The following PPM1B variants were observed in gnomAD, a reference collection of about 807,000 sequenced individuals.
PPM1B encodes protein phosphatase 1B.
In PPM1B, 22 loss-of-function variants were observed where a neutral mutation model predicts 43.0. That is an observed-to-expected ratio of 0.51 (90% CI 0.37 to 0.73). The LOEUF is 0.73. Among genes scored for constraint, PPM1B ranks in the 30% least tolerant of loss-of-function variants. The pLI is 0.00. For synonymous variants in PPM1B, 217 were observed against 197.9 expected (o/e 1.10, Z -0.81); for missense variants, 632 against 584.2 (o/e 1.08, Z -0.84).
intron 5 of PPM1B, among the ~76,000 whole-genome samples, chr2:44,227,005 C>T: frequency 6.6e-6 from 1 of 150,762 alleles, no homozygotes; most frequent in South Asian, 2.1e-4. Context: ...ACAGGGTCTT[C>T]CTCCATTGCC....
chr2:44,239,097 C>T (rs1054645304), downstream of PPM1B, among the ~76,000 whole-genome samples: 1 of 149,132 alleles, frequency 6.7e-6, no homozygotes, highest in African/African-American at 2.5e-5. Context: ...TCCCTTAAGC[C>T]CAGGAGTTCA....
chr2:44,187,477 T>G (rs560624010), intron 1 of PPM1B, among the ~76,000 whole-genome samples: 17 of 152,308 alleles, frequency 1.1e-4, no homozygotes, highest in Admixed American at 1.1e-3. Context: ...TATTTATAAT[T>G]TTTTGAAGAA....
intron 5 of PPM1B, among the ~76,000 whole-genome samples, chr2:44,239,715 T>C (rs971662529): frequency 6.6e-6 from 1 of 152,098 alleles, no homozygotes; most frequent in African/African-American, 2.4e-5. Flanking sequence ...GCACATATAT[T>C]TAGGTTTTTA....
chr2:44,207,668 C>G (rs919594431), intron 2 of PPM1B, among the ~76,000 whole-genome samples: 3 of 151,532 alleles, frequency 2.0e-5, no homozygotes, highest in Admixed American at 2.0e-4. Context: ...CTCCACTTCC[C>G]AGGCTTAAGC....
At chr2:44,213,324 A>T (rs1255746208) in intron 3 of PPM1B, among the ~76,000 whole-genome samples, 17 of 148,140 alleles carry the variant, frequency 1.1e-4, no homozygotes, top group African/African-American at 4.2e-4. Flanking sequence ...TTCTCCTAAC[A>T]CTTTTATGTT....
intron 1 of PPM1B, among the ~76,000 whole-genome samples, chr2:44,187,306 G>A (rs549139233): frequency 1.3e-5 from 2 of 151,980 alleles, no homozygotes; most frequent in Non-Finnish European, 2.9e-5. Context: ...TTATCCATTC[G>A]TTTGTCATTG....
chr2:44,230,244 A>C, intron 5 of PPM1B, 169 bp from the exon 6 acceptor site: 1 of 1,424,498 alleles, frequency 7.0e-7, no homozygotes, highest in South Asian at 1.6e-5. Flanking sequence ...TATTATTGGA[A>C]GTTTTTATTA....
In PPM1B at chr2:44,217,058, G is replaced by A. The variant is rs186323155; in HGVS notation, c.965-909G>A. 1.1e-4 allele frequency among the ~76,000 whole-genome samples: 16 copies of A among 151,884 alleles called. No individual in the cohort carries two copies. The East Asian group carries it at 3.1e-3, about 29-fold the overall frequency. On this transcript the variant is annotated intron_variant, in intron 3 of 5. Coordinates refer to ENST00000282412, the MANE Select transcript of PPM1B (RefSeq NM_002706.6). ...AGGCGGGCAGAGTTGAAAGAGTAGT[G>A]GAAGTCAACGTAAGGGTCTTGTGAG... is the stretch of plus-strand genomic sequence containing the variant.
chr2:44,242,875 A>G (rs898490520), intron 5 of PPM1B, among the ~76,000 whole-genome samples: 3 of 152,118 alleles, frequency 2.0e-5, no homozygotes, highest in South Asian at 2.1e-4. Flanking sequence ...TCTGTTACCT[A>G]TGTCATGGAT....
At chr2:44,176,064 G>A (rs187387882) in intron 1 of PPM1B, among the ~76,000 whole-genome samples, 90 of 152,202 alleles carry the variant, frequency 5.9e-4, no homozygotes, top group African/African-American at 2.1e-3. Flanking sequence ...GATTACAGGC[G>A]TGAGTCACCA....
chr2:44,187,594 C>T (rs976941242), intron 1 of PPM1B, among the ~76,000 whole-genome samples: 2 of 152,210 alleles, frequency 1.3e-5, no homozygotes, highest in African/African-American at 2.4e-5. Flanking sequence ...TCTGCCTCTC[C>T]GCCAAGCAGT....
At chr2:44,209,151 G>GCAATTTTGAAGCAAC (rs1439617429) in intron 2 of PPM1B, 59 bp from the exon 3 acceptor site, 44 of 1,373,520 alleles carry the variant, frequency 3.2e-5, no homozygotes, top group Non-Finnish European at 4.3e-5. Context: ...GTATTTTGAA[G>GCAATTTTGAAGCAAC]TAAATAATAG....
At chr2:44,228,488 T>G (rs1215853308) in intron 5 of PPM1B, among the ~76,000 whole-genome samples, 1 of 152,170 alleles carries the variant, frequency 6.6e-6, no homozygotes, top group Non-Finnish European at 1.5e-5. Flanking sequence ...GGCAACTTTT[T>G]AAAAAATAAC....
Position 44,230,634 on chromosome 2 carries a change from C to G in PPM1B, c.1356C>G (p.Ser452Arg). Residue 452 changes from serine (S) to arginine (R), a missense_variant, in exon 6 of 6, where the codon AGC becomes AGG. Ser to Arg is a moderately radical substitution (Grantham distance 110, BLOSUM62 -1). Transcript: ENST00000282412. ...DAGNPVTMQESHTESESGLAE... is the reference protein window; with the variant it reads ...DAGNPVTMQERHTESESGLAE... ...GAAACCCAGTGACAATGCAGGAAAG[C>G]CATACTGAATCAGAAAGTGGTCTTG... 1 of 1,614,138 alleles carries G rather than the reference C, an allele frequency of 6.2e-7. No homozygotes were observed. Among genetic ancestry groups the G allele is most frequent in the Non-Finnish European group, 8.5e-7 (1 of 1,179,994 alleles).
rs1667288293 is a variant in PPM1B at position 44,170,603 on chromosome 2, G to A, written c.-15+1329G>A. Among the ~76,000 whole-genome samples, 5 of 152,178 alleles carry A rather than the reference G, an allele frequency of 3.3e-5. No homozygotes were observed. In the South Asian group the frequency reaches 1.0e-3, roughly 31 times the overall value. On this transcript the variant is annotated intron_variant, in intron 1 of 5. Transcript: ENST00000282412. ...TATGTTCTAGGAGATGGAGAAACAT[G>A]CCATGGACGCTGAATGTTAATAGAT...
chr2:44,212,263 C>G (rs543259090), intron 3 of PPM1B, among the ~76,000 whole-genome samples: 2 of 152,230 alleles, frequency 1.3e-5, no homozygotes, highest in East Asian at 3.9e-4. Context: ...AGTTTTCTCC[C>G]TTTTCATATT....
chr2:44,210,161 T>G lies in PPM1B; in HGVS notation c.964+834T>G, dbSNP rs112625057. Among the ~76,000 whole-genome samples, 365 of 152,190 alleles carry G rather than the reference T, an allele frequency of 2.4e-3. 1 individual carries two copies. The highest frequency in any genetic ancestry group is 8.7e-3 in the African/African-American group (360 of 41,556). ...TTCCCTTTTATTGATAGAGTTAACA[T>G]TAGTGTTTCAAAAGATTATTTTACA... On this transcript the variant is annotated intron_variant, in intron 3 of 5. Transcript: ENST00000282412.
At chr2:44,178,293 C>A (rs982802458) in intron 1 of PPM1B, among the ~76,000 whole-genome samples, 1 of 151,714 alleles carries the variant, frequency 6.6e-6, no homozygotes, top group Non-Finnish European at 1.5e-5. Context: ...TGGTCTAAAA[C>A]CATTTACATG....
chr2:44,203,500 GA>G (rs1262313502), intron 2 of PPM1B, among the ~76,000 whole-genome samples: 1 of 151,746 alleles, frequency 6.6e-6, no homozygotes, highest in African/African-American at 2.4e-5. Flanking sequence ...CTTACTATTG[GA>G]AAAAAAATCC....
Sources: allele counts gnomAD v4.1 joint callset (sites outside exome capture counted in the v4.1 genomes callset), GRCh38; gene constraint gnomAD v4.1.1; transcripts MANE v1.5; gene names NCBI Gene and HGNC (gene_info 2026-07-23, HGNC 2026-07-21).